The following CTDSPL variants were observed in gnomAD, a reference collection of about 807,000 sequenced individuals.
CTDSPL encodes CTD small phosphatase-like protein.
A neutral mutation model predicts 30.5 loss-of-function variants in CTDSPL; 8 were observed. That is an observed-to-expected ratio of 0.26 (90% CI 0.15 to 0.47). The LOEUF (loss-of-function observed/expected upper bound fraction) is 0.47, where lower values mean the gene tolerates loss of function less well. Among genes scored for constraint, CTDSPL ranks in the 20% least tolerant of loss-of-function variants. The pLI is 0.99. For synonymous variants in CTDSPL, 110 were observed against 137.9 expected (o/e 0.80, Z 1.42); for missense variants, 248 against 366.1 (o/e 0.68, Z 2.63).
rs533832948 is a variant in CTDSPL at position 37,874,122 on chromosome 3, G to A, written c.79+11844G>A. On this transcript the variant is annotated intron_variant, in intron 1 of 7. Transcript: ENST00000273179. ...GCGTAGACAGGGCTTGCTGGCCAGT[G>A]ACTAGAAGAGTTTGCTTCCAGTCTG... 1.2e-4 allele frequency among the ~76,000 whole-genome samples: 19 copies of A among 152,318 alleles called. No homozygotes were observed. The South Asian group carries it at 3.9e-3, about 32-fold the overall frequency.
intron 1 of CTDSPL, among the ~76,000 whole-genome samples, chr3:37,880,914 T>G (rs1290281574): frequency 1.3e-5 from 2 of 151,828 alleles, no homozygotes; most frequent in Non-Finnish European, 2.9e-5. Flanking sequence ...CCCTCTGGTG[T>G]AGCCTAAGAG....
chr3:37,890,117 G>C lies in CTDSPL; in HGVS notation c.79+27839G>C, dbSNP rs535565552. ...CAGTGGTGTAGGCCCAGCTACTTGG[G>C]AATTCCCAAATGATCTGATATAACC... is the stretch of plus-strand genomic sequence containing the variant. On this transcript the variant is annotated intron_variant, in intron 1 of 7. Coordinates refer to ENST00000273179, the MANE Select transcript of CTDSPL (RefSeq NM_001008392.2). Among the ~76,000 whole-genome samples, 5 of 152,328 alleles carry C rather than the reference G, an allele frequency of 3.3e-5. No homozygotes were observed. The South Asian group carries it at 1.0e-3, about 32-fold the overall frequency.
chr3:37,904,122 C>T (rs188253502), intron 1 of CTDSPL, among the ~76,000 whole-genome samples: 1 of 152,262 alleles, frequency 6.6e-6, no homozygotes, highest in East Asian at 1.9e-4. Flanking sequence ...AAAGTTGGCT[C>T]TGTGGGCTGG....
chr3:37,974,555 G>A (rs573825258), intron 6 of CTDSPL, among the ~76,000 whole-genome samples: 6 of 152,324 alleles, frequency 3.9e-5, no homozygotes, highest in African/African-American at 1.4e-4. Flanking sequence ...TCCAGGCCTA[G>A]CCACTCAGTA....
intron 1 of CTDSPL, among the ~76,000 whole-genome samples, chr3:37,906,097 AC>A (rs1325840691): frequency 1.3e-5 from 2 of 151,348 alleles, no homozygotes; most frequent in African/African-American, 2.4e-5. Flanking sequence ...CTCCACATCT[AC>A]TCTCTGTCCT....
intron 1 of CTDSPL, among the ~76,000 whole-genome samples, chr3:37,923,846 A>C (rs1698748442): frequency 6.6e-6 from 1 of 152,060 alleles, no homozygotes; most frequent in Non-Finnish European, 1.5e-5. Context: ...AAATTCACAC[A>C]GTATTAAATC....
In CTDSPL at chr3:37,983,295, ATATC is replaced by A. The variant is rs1699514028; in HGVS notation, c.*2432_*2435del. ...GTACATAATCAAAATATCTATATCT[ATATC>A]TATATCTATATCTATATATTTTTAA... On this transcript the variant is annotated 3_prime_UTR_variant, in exon 8 of 8. Transcript: ENST00000273179. The A allele has an allele frequency of 6.6e-6, 1 of 150,772 alleles. No individual in the cohort carries two copies. The highest frequency in any genetic ancestry group is 1.5e-5 in the Non-Finnish European group (1 of 67,962). The allele number at this position is 150,772 out of a possible 1,614,324, so 9.3% of individuals were successfully genotyped here.
chr3:37,917,342 T>C (rs894674503), intron 1 of CTDSPL, among the ~76,000 whole-genome samples: 1 of 152,230 alleles, frequency 6.6e-6, no homozygotes, highest in Non-Finnish European at 1.5e-5. Flanking sequence ...ATCTTGCTAA[T>C]GTAAAGTGAG....
chr3:37,936,878 A>T (rs1698922670), intron 1 of CTDSPL, among the ~76,000 whole-genome samples: 1 of 152,168 alleles, frequency 6.6e-6, no homozygotes, highest in Non-Finnish European at 1.5e-5. Context: ...GTTCTGCTAT[A>T]AATACTTGAA....
At chr3:37,916,917 G>A (rs1239454159) in intron 1 of CTDSPL, among the ~76,000 whole-genome samples, 1 of 152,070 alleles carries the variant, frequency 6.6e-6, no homozygotes, top group African/African-American at 2.4e-5. Flanking sequence ...CAACAATCTG[G>A]GTGCCATGAG....
intron 2 of CTDSPL, among the ~76,000 whole-genome samples, chr3:37,953,230 T>C (rs1699130024): frequency 6.6e-6 from 1 of 152,222 alleles, no homozygotes; most frequent in Non-Finnish European, 1.5e-5. Context: ...ATGTGACTAG[T>C]AGCTACCATA....
At chr3:37,934,677 A>C (rs1698894542) in intron 1 of CTDSPL, among the ~76,000 whole-genome samples, 2 of 152,192 alleles carry the variant, frequency 1.3e-5, no homozygotes, top group Non-Finnish European at 2.9e-5. Flanking sequence ...CCATATGTGG[A>C]TGGCGTAGGT....
Position 37,981,743 on chromosome 3 carries a change from T to C in CTDSPL, c.*876T>C, listed in dbSNP as rs1273931234. The C allele has an allele frequency of 2.3e-6, 1 of 444,188 alleles. No homozygotes were observed. Among genetic ancestry groups the C allele is most frequent in the Non-Finnish European group, 4.5e-6 (1 of 220,146 alleles). The allele number at this position is 444,188 out of a possible 1,614,324, so 27.5% of individuals were successfully genotyped here. A position where few individuals can be genotyped will look rare whatever the true frequency, so the allele number is the denominator to read the frequency against. On this transcript the variant is annotated 3_prime_UTR_variant, in exon 8 of 8. Transcript: ENST00000273179. ...GTGTTTTTTGTTGTTATTGTTTGGG[T>C]AGAGCAGTTACAAGAAACCCTAAAA... is the stretch of plus-strand genomic sequence containing the variant.
At chr3:37,940,891 A>G (rs1311781024) in intron 1 of CTDSPL, among the ~76,000 whole-genome samples, 2 of 150,404 alleles carry the variant, frequency 1.3e-5, no homozygotes, top group Non-Finnish European at 3.0e-5. Flanking sequence ...CTGGGCCAGC[A>G]CTCTGCCTAG....
At chr3:37,900,300 AGG>A (rs1225061566) in intron 1 of CTDSPL, among the ~76,000 whole-genome samples, 1 of 152,212 alleles carries the variant, frequency 6.6e-6, no homozygotes, top group Non-Finnish European at 1.5e-5. Flanking sequence ...AATTAGGCTG[AGG>A]GAATATCTAA....
intron 1 of CTDSPL, among the ~76,000 whole-genome samples, chr3:37,873,816 C>G (rs1457461086): frequency 6.6e-6 from 1 of 152,178 alleles, no homozygotes; most frequent in African/African-American, 2.4e-5. Context: ...ACTGTGAAAT[C>G]AAGTCTAGAT....
intron 1 of CTDSPL, among the ~76,000 whole-genome samples, chr3:37,925,383 T>A (rs563062127): frequency 1.3e-5 from 2 of 152,308 alleles, no homozygotes; most frequent in South Asian, 2.1e-4. Flanking sequence ...TGGGCTTGTC[T>A]TTCTCCTCTA....
rs574497096 is a variant in CTDSPL, at chr3:37,938,678, G to GTTT, written c.80-8379_80-8378insTTT. Among the ~76,000 whole-genome samples, 32 of 136,470 alleles carry GTTT rather than the reference G, an allele frequency of 2.3e-4. 2 individuals carry two copies. The highest frequency in any genetic ancestry group is 6.5e-4 in the African/African-American group (22 of 34,028). 89.5% of individuals were successfully genotyped at this position (136,470 alleles called of 152,430 possible). ...ATTTCATGTTTTTTGTTTTTTTGTGGGTTTTTTTTTTGTTTTTTTTGAAAT... is the reference window on the plus strand; with the variant it reads ...ATTTCATGTTTTTTGTTTTTTTGTGGTTTGTTTTTTTTTTGTTTTTTTTGAAAT... On this transcript the variant is annotated intron_variant, in intron 1 of 7. Coordinates refer to ENST00000273179, the MANE Select transcript of CTDSPL (RefSeq NM_001008392.2).
At chr3:37,972,517 A>G (rs1330380745) in intron 6 of CTDSPL, among the ~76,000 whole-genome samples, 1 of 152,212 alleles carries the variant, frequency 6.6e-6, no homozygotes, top group Non-Finnish European at 1.5e-5. Context: ...TTTATTGGTG[A>G]TGATAAAATC....
Sources: gnomAD v4.1 joint callset for allele counts (sites outside exome capture counted in the v4.1 genomes callset) on GRCh38, gnomAD v4.1.1 for gene constraint, MANE v1.5 for transcripts, NCBI Gene and HGNC (gene_info 2026-07-23, HGNC 2026-07-21) for gene names.